CREB3L2: variants seen among roughly 807,000 people sequenced by gnomAD.
The protein encoded by CREB3L2 is cyclic AMP-responsive element-binding protein 3-like protein 2.
A neutral mutation model predicts 57.2 loss-of-function variants in CREB3L2; 23 were observed. That is an observed-to-expected ratio of 0.40 (90% CI 0.29 to 0.57). The LOEUF (loss-of-function observed/expected upper bound fraction) is 0.57, where lower values mean the gene tolerates loss of function less well. Among genes scored for constraint, CREB3L2 ranks in the 20% least tolerant of loss-of-function variants. The pLI is 0.42. For missense variants in CREB3L2, 628 were observed against 634.7 expected (o/e 0.99, Z 0.11); for synonymous variants, 268 against 265.1 (o/e 1.01, Z -0.11).
chr7:137,901,685 C>G (rs1356979337), intron 7 of CREB3L2, among the ~76,000 whole-genome samples: 1 of 151,420 alleles, frequency 6.6e-6, no homozygotes, highest in African/African-American at 2.4e-5. Context: ...TAGAGACCAT[C>G]CTGGCCGACA....
At chr7:137,967,176 A>C (rs1207073341) in intron 1 of CREB3L2, among the ~76,000 whole-genome samples, 1 of 152,214 alleles carries the variant, frequency 6.6e-6, no homozygotes, top group Admixed American at 6.5e-5. Context: ...CGCTCACCAG[A>C]GCTCAACTAT....
intron 1 of CREB3L2, chr7:137,955,268 CACAG>C (rs1456065560): frequency 4.7e-6 from 6 of 1,288,854 alleles, no homozygotes; most frequent in African/African-American, 4.6e-5. Flanking sequence ...AGCACGTGTT[CACAG>C]ACAGTTTCTC....
rs1802083152 is a variant in CREB3L2 at position 138,001,803 on chromosome 7, T to G, written c.-98A>C. The G allele has an allele frequency of 1.1e-5, 9 of 783,382 alleles. No individual in the cohort carries two copies. Among genetic ancestry groups the G allele is most frequent in the Non-Finnish European group, 1.7e-5 (9 of 522,128 alleles). 48.5% of individuals were successfully genotyped at this position (783,382 alleles called of 1,614,324 possible). A position where few individuals can be genotyped will look rare whatever the true frequency, so the allele number is the denominator to read the frequency against. On this transcript the variant is annotated 5_prime_UTR_variant, in exon 1 of 12. Coordinates refer to ENST00000330387, the MANE Select transcript of CREB3L2 (RefSeq NM_194071.4). The surrounding 1 kb of genome is among the most constrained non-coding windows in gnomAD (Gnocchi z 4.2). Reference sequence around the variant, plus strand: ...AGGTTCCTCTCTCTCCGCGTGTGCTTGCGTGTGTGCGCGCGCGTGTCTGTA... The same window carrying G: ...AGGTTCCTCTCTCTCCGCGTGTGCTGGCGTGTGTGCGCGCGCGTGTCTGTA...
intron 1 of CREB3L2, among the ~76,000 whole-genome samples, chr7:137,968,200 T>G (rs1284655890): frequency 6.6e-6 from 1 of 151,562 alleles, no homozygotes; most frequent in Non-Finnish European, 1.5e-5. Flanking sequence ...GGACTGGAGC[T>G]AGCTACTCTT....
rs377252058 is a variant in CREB3L2, at chr7:137,888,847, G to T, written c.1044-3345C>A. On this transcript the variant is annotated intron_variant, in intron 8 of 11. Transcript: ENST00000330387. The stretch of plus-strand genomic sequence containing the variant: ...TCCTGCTGCCTGTAAGCTGGTGGCC[G>T]CAAGGTGCTGAAGTTTAGCTATGCT... 1.4e-4 allele frequency among the ~76,000 whole-genome samples: 21 copies of T among 152,156 alleles called. No individual in the cohort carries two copies. The South Asian group carries it at 4.1e-3, about 30-fold the overall frequency.
chr7:137,980,231 C>G lies in CREB3L2; in HGVS notation c.102+21373G>C, dbSNP rs1289940090. ...TTTCACTTTGGAAGCACTGGGAGAG[C>G]TTTTAAAATGCCTGATGCCCAGGCC... On this transcript the variant is annotated intron_variant, in intron 1 of 11. Coordinates refer to ENST00000330387, the MANE Select transcript of CREB3L2 (RefSeq NM_194071.4). The surrounding 1 kb of genome is among the most constrained non-coding windows in gnomAD (Gnocchi z 4.3). 6.6e-6 allele frequency among the ~76,000 whole-genome samples: 1 copy of G among 152,180 alleles called. No individual in the cohort carries two copies. The highest frequency in any genetic ancestry group is 1.9e-4 in the East Asian group (1 of 5,182).
chr7:137,881,293 C>A (rs541554333), intron 11 of CREB3L2, among the ~76,000 whole-genome samples: 2 of 152,106 alleles, frequency 1.3e-5, no homozygotes, highest in African/African-American at 2.4e-5. Flanking sequence ...AGCCCTCATC[C>A]GAAAATCTAA....
At chr7:137,923,192 C>T (rs1213962821) in intron 2 of CREB3L2, among the ~76,000 whole-genome samples, 3 of 152,086 alleles carry the variant, frequency 2.0e-5, no homozygotes, top group Admixed American at 1.3e-4. Context: ...TAACTGTAAT[C>T]GCTGGATTAA....
intron 1 of CREB3L2, among the ~76,000 whole-genome samples, chr7:137,959,781 T>C (rs79188651): frequency 0.025 from 3,873 of 152,312 alleles, 176 homozygotes; most frequent in African/African-American, 0.088. Context: ...CGAAGTAAAC[T>C]GCATCCTTTG....
chr7:137,887,572 G>A (rs1022429288), intron 8 of CREB3L2, among the ~76,000 whole-genome samples: 29 of 152,238 alleles, frequency 1.9e-4, no homozygotes, highest in African/African-American at 5.3e-4. Flanking sequence ...AGCTGGGCAC[G>A]GTGGCGGGCG....
intron 1 of CREB3L2, among the ~76,000 whole-genome samples, chr7:137,938,868 T>C (rs1259604002): frequency 1.3e-5 from 2 of 152,166 alleles, no homozygotes; most frequent in African/African-American, 4.8e-5. Context: ...AATCCACTGT[T>C]TCATTTTAAG....
intron 1 of CREB3L2, among the ~76,000 whole-genome samples, chr7:137,987,687 C>T (rs1801815467): frequency 6.6e-6 from 1 of 152,148 alleles, no homozygotes; most frequent in African/African-American, 2.4e-5. Flanking sequence ...CTCTAAAATG[C>T]TTTCTGTTTT....
At chr7:137,942,121 T>C (rs73456351) in intron 1 of CREB3L2, among the ~76,000 whole-genome samples, 1,749 of 152,346 alleles carry the variant, frequency 0.011, 27 homozygotes, top group African/African-American at 0.04. Context: ...CCAGCCACAC[T>C]GTGCTCACAT....
intron 1 of CREB3L2, among the ~76,000 whole-genome samples, chr7:137,989,130 C>T (rs1026381109): frequency 1.3e-5 from 2 of 152,184 alleles, no homozygotes; most frequent in African/African-American, 4.8e-5. Flanking sequence ...AAAGAGGCAG[C>T]GCTGTGTTCT....
rs1563253513 is a variant in CREB3L2, at chr7:137,922,477, TATATATATACACAC to T, written c.319+5659_319+5672del. On this transcript the variant is annotated intron_variant, in intron 2 of 11. Coordinates refer to ENST00000330387, the MANE Select transcript of CREB3L2 (RefSeq NM_194071.4). Reference sequence around the variant, plus strand: ...ATACACACATATATATATACACACATATATATATACACACACACACACACACACACAATATATAT... The same window carrying T: ...ATACACACATATATATATACACACATACACACACACACACACAATATATAT... 69 of 162,592 alleles carry T rather than the reference TATATATATACACAC, an allele frequency of 4.2e-4. 1 individual carries two copies. Among genetic ancestry groups the T allele is most frequent in the African/African-American group, 2.5e-3 (65 of 25,738 alleles). The allele number at this position is 162,592 out of a possible 1,614,324, so 10.1% of individuals were successfully genotyped here. A position where few individuals can be genotyped will look rare whatever the true frequency, so the allele number is the denominator to read the frequency against.
intron 1 of CREB3L2, among the ~76,000 whole-genome samples, chr7:137,940,484 T>C (rs1159836301): frequency 2.0e-5 from 3 of 152,138 alleles, no homozygotes; most frequent in Non-Finnish European, 2.9e-5. Context: ...GTCACTCTAA[T>C]TTGAGAAAAC....
chr7:137,936,739 C>T (rs1021476220), intron 1 of CREB3L2, among the ~76,000 whole-genome samples: 2 of 152,142 alleles, frequency 1.3e-5, no homozygotes, highest in Non-Finnish European at 2.9e-5. Flanking sequence ...CCATGGATCC[C>T]GGGCTAAACC....
At chr7:137,922,380 A>ATACG (rs1563253083) in intron 2 of CREB3L2, among the ~76,000 whole-genome samples, 4 of 30,990 alleles carry the variant, frequency 1.3e-4, no homozygotes, top group African/African-American at 2.0e-4. Context: ...CTATATATAT[A>ATACG]TATGTATATA....
At chr7:137,884,642 C>T (rs750768077) in intron 10 of CREB3L2, 11 of 562,196 alleles carry the variant, frequency 2.0e-5, no homozygotes, top group Non-Finnish European at 3.5e-5. Context: ...GAGGCAGAAA[C>T]ACAGCAGTTC....
Sources: allele counts gnomAD v4.1 joint callset (sites outside exome capture counted in the v4.1 genomes callset), GRCh38; gene constraint gnomAD v4.1.1; non-coding constraint Gnocchi (gnomAD v3.1); transcripts MANE v1.5; gene names NCBI Gene and HGNC (gene_info 2026-07-23, HGNC 2026-07-21).